The following PER3 variants were observed in gnomAD, a reference collection of about 807,000 sequenced individuals.
The protein encoded by PER3 is period circadian protein homolog 3.
A neutral mutation model predicts 127.2 loss-of-function variants in PER3; 107 were observed. The observed-to-expected ratio is 0.84, with a 90% CI of 0.72 to 0.99. PER3 has a LOEUF of 0.99. Ranked by LOEUF, PER3 falls within the 50% of genes least tolerant of loss-of-function variation. The probability of loss-of-function intolerance (pLI) is 0.00; values close to 1 mark genes in which losing one functional copy is unlikely to be tolerated. For missense variants in PER3, 1,560 were observed against 1,525.8 expected (o/e 1.02, Z -0.37); for synonymous variants, 618 against 585.8 (o/e 1.05, Z -0.79).
At chr1:7,789,280 GA>G (rs1366222242) in intron 5 of PER3, among the ~76,000 whole-genome samples, 1 of 152,026 alleles carries the variant, frequency 6.6e-6, no homozygotes, top group Non-Finnish European at 1.5e-5. Flanking sequence ...ATCTCATGTT[GA>G]ATTGTAACTC....
In PER3 at chr1:7,788,255, A is replaced by T; in HGVS notation, c.592+9A>T. 7 of 1,586,496 alleles carry T rather than the reference A, an allele frequency of 4.4e-6. No individual in the cohort carries two copies. Among genetic ancestry groups the T allele is most frequent in the Non-Finnish European group, 5.2e-6 (6 of 1,154,776 alleles). On this transcript the variant is annotated intron_variant, in intron 5 of 21. Coordinates refer to ENST00000377532, the MANE Select transcript of PER3 (RefSeq NM_001377275.1). ...CAACTGGACCCAAAGAGGTAACAGG[A>T]CCAATGTTCAGATGTCTATCTTTCC...
intron 5 of PER3, among the ~76,000 whole-genome samples, chr1:7,788,924 A>AAAT (rs1553301134): frequency 1.4e-5 from 2 of 147,530 alleles, no homozygotes. Context: ...AAAAAAAAAA[A>AAAT]TTCAGATCAT....
rs777835831 is a variant in PER3 at position 7,785,519 on chromosome 1, G to C, written c.207G>C (p.Glu69Asp). Residue 69 changes from glutamate (E) to aspartate (D), a missense_variant, in exon 3 of 22, where the codon GAG (glutamate) becomes GAC (aspartate). By Grantham distance (45) the Glu-to-Asp change is conservative. Transcript: ENST00000377532. ...VQEMKKYFPS[E>D]RRNKPSTLDA... is the part of the protein sequence containing the mutation. ...AAATGAAAAAATACTTCCCCTCGGA[G>C]AGACGCAATAAACCAAGCACTCTAG... The C allele has an allele frequency of 6.2e-7, 1 of 1,612,266 alleles. No homozygotes were observed. The highest frequency in any genetic ancestry group is 1.3e-5 in the African/African-American group (1 of 74,878).
At chr1:7,801,021 T>A in intron 7 of PER3, 92 bp from the exon 8 acceptor site, 1 of 782,402 alleles carries the variant, frequency 1.3e-6, no homozygotes, top group Admixed American at 2.3e-5. Context: ...TCATATAGAT[T>A]TTGTTCTCTT....
Position 7,803,086 on chromosome 1 carries a change from T to C in PER3, c.912T>C (p.Ile304=). 1.9e-6 allele frequency: 3 copies of C among 1,613,792 alleles called. No individual in the cohort carries two copies. Among genetic ancestry groups the C allele is most frequent in the Non-Finnish European group, 1.7e-6 (2 of 1,179,672 alleles). Residue 304 remains isoleucine, a synonymous_variant, in exon 9 of 22, where the codon ATT becomes ATC. Transcript: ENST00000377532. ...PLLGYLPQDL[I]GTSILSYLHP... is the part of the protein sequence containing the mutation. ...TGGGTTACCTACCTCAGGACCTGAT[T>C]GGAACATCGATCCTAAGCTACCTGC...
chr1:7,803,307 G>A (rs986392568), intron 9 of PER3, among the ~76,000 whole-genome samples, 154 bp downstream of exon 9: 1 of 151,848 alleles, frequency 6.6e-6, no homozygotes, highest in Non-Finnish European at 1.5e-5. Flanking sequence ...TACTAAAACA[G>A]GCCAGGCACA....
chr1:7,792,724 T>C (rs2097127662), intron 5 of PER3, among the ~76,000 whole-genome samples: 1 of 152,226 alleles, frequency 6.6e-6, no homozygotes, highest in African/African-American at 2.4e-5. Flanking sequence ...TATTAGAATA[T>C]GTTTCTATTT....
chr1:7,825,886 C>A, intron 16 of PER3, among the ~76,000 whole-genome samples: 1 of 103,138 alleles, frequency 9.7e-6, no homozygotes, highest in Non-Finnish European at 2.2e-5. Flanking sequence ...AGCGAAACTC[C>A]ATCTCAAAAA....
chr1:7,823,426 T>G (rs1388626964), intron 16 of PER3, among the ~76,000 whole-genome samples: 2 of 152,192 alleles, frequency 1.3e-5, no homozygotes, highest in African/African-American at 2.4e-5. Flanking sequence ...GCGGATCACC[T>G]GAGGTCAGGA....
intron 13 of PER3, among the ~76,000 whole-genome samples, chr1:7,815,443 C>A (rs2097243509): frequency 6.6e-6 from 1 of 152,128 alleles, no homozygotes; most frequent in Admixed American, 6.5e-5. Flanking sequence ...AAGTAAACTT[C>A]AGAACAAGGA....
Position 7,785,484 on chromosome 1 carries a change from G to A in PER3, c.172G>A (p.Val58Ile). 1 of 1,612,592 alleles carries A rather than the reference G, an allele frequency of 6.2e-7. No individual in the cohort carries two copies. The highest frequency in any genetic ancestry group is 8.5e-7 in the Non-Finnish European group (1 of 1,178,602). Residue 58 changes from valine (V) to isoleucine (I), a missense_variant, in exon 3 of 22, where the codon GTT (valine) becomes ATT (isoleucine). By Grantham distance (29) the Val-to-Ile change is conservative. Coordinates refer to ENST00000377532, the MANE Select transcript of PER3 (RefSeq NM_001377275.1). ...RNRVSEELIM[V>I]VQEMKKYFPS... ...CAGAGTTTCTGAAGAACTTATCATG[G>A]TTGTCCAAGAAATGAAAAAATACTT...
At chr1:7,806,374 T>C (rs1313233383) in intron 10 of PER3, among the ~76,000 whole-genome samples, 2 of 152,192 alleles carry the variant, frequency 1.3e-5, no homozygotes, top group Non-Finnish European at 2.9e-5. Flanking sequence ...GTTTTCTCTC[T>C]TACTCCTACT....
chr1:7,827,284 T>C lies in PER3; in HGVS notation c.2355T>C (p.Ser785=). Reference sequence around the variant, plus strand: ...CCTGCTGCCCCTCCGCGGCCTCCTCTCCGCACACCTCGAGCCCGACCTTCC... The same window carrying C: ...CCTGCTGCCCCTCCGCGGCCTCCTCCCCGCACACCTCGAGCCCGACCTTCC... ...AQPCCPSAAS[S]PHTSSPTFPP... Residue 785 remains serine, a synonymous_variant, in exon 18 of 22, where the codon TCT becomes TCC. Coordinates refer to ENST00000377532, the MANE Select transcript of PER3 (RefSeq NM_001377275.1). 1 of 1,613,736 alleles carries C rather than the reference T, an allele frequency of 6.2e-7. No homozygotes were observed. Among genetic ancestry groups the C allele is most frequent in the Non-Finnish European group, 8.5e-7 (1 of 1,179,864 alleles).
At position 7,827,757 on chromosome 1, in the gene PER3, C is replaced by T. The variant is rs769162206; in HGVS notation, c.2828C>T (p.Pro943Leu). The T allele has an allele frequency of 3.1e-6, 5 of 1,613,982 alleles. No individual in the cohort carries two copies. Among genetic ancestry groups the T allele is most frequent in the Non-Finnish European group, 3.4e-6 (4 of 1,180,024 alleles). ...TTAAACTTACTTCAGGAAGAGATGC[C>T]CAGACCCTCTGAATCTCCAGATCAG... ...LQLNLLQEEM[P>L]RPSESPDQMR... Residue 943 changes from proline (P) to leucine (L), a missense_variant, in exon 18 of 22, where the codon CCC becomes CTC. Pro to Leu is a moderately conservative substitution (Grantham distance 98, BLOSUM62 -3). Around this residue, in one of 3 missense-constraint regions of PER3, gnomAD observed 1,332 missense variants for 1,223.6 expected, o/e 1.09. Coordinates refer to ENST00000377532, the MANE Select transcript of PER3 (RefSeq NM_001377275.1).
At chr1:7,803,480 C>T (rs903795712) in intron 9 of PER3, among the ~76,000 whole-genome samples, 7 of 151,542 alleles carry the variant, frequency 4.6e-5, no homozygotes, top group African/African-American at 1.2e-4. Flanking sequence ...CTCAGCTACT[C>T]AGGAGGCTGA....
In PER3 at chr1:7,827,381, C is replaced by T; in HGVS notation, c.2452C>T (p.Pro818Ser). 2.5e-6 allele frequency: 4 copies of T among 1,614,168 alleles called. No homozygotes were observed. The highest frequency in any genetic ancestry group is 3.4e-6 in the Non-Finnish European group (4 of 1,180,048). ...PAFPLPAATS[P>S]GREYAAPGTA... ...TTTTCCCCTCCCAGCCGCGACCTCA[C>T]CCGGAAGAGAATACGCAGCCCCCGG... Residue 818 changes from proline to serine, a missense_variant, in exon 18 of 22, where the codon CCC becomes TCC. Coordinates refer to ENST00000377532, the MANE Select transcript of PER3 (RefSeq NM_001377275.1).
chr1:7,827,485 G>T lies in PER3; in HGVS notation c.2556G>T (p.Leu852Phe). Residue 852 changes from leucine (L) to phenylalanine (F), a missense_variant, in exon 18 of 22, where the codon TTG becomes TTT. Leu to Phe is a conservative substitution (Grantham distance 22, BLOSUM62 0). Transcript: ENST00000377532. ...ACCCAGCTTTCCCTTTTCCTTACTT[G>T]GATACTTTTATGACCGTTTTCCTGC... is the stretch of plus-strand genomic sequence containing the variant. The part of the protein sequence containing the change: ...QPYPAFPFPY[L>F]DTFMTVFLPD... 2.5e-6 allele frequency: 4 copies of T among 1,614,164 alleles called. No homozygotes were observed. The highest frequency in any genetic ancestry group is 3.4e-6 in the Non-Finnish European group (4 of 1,180,030).
At chr1:7,805,231 C>CGA (rs2097187831) in intron 10 of PER3, among the ~76,000 whole-genome samples, 1 of 152,120 alleles carries the variant, frequency 6.6e-6, no homozygotes, top group Admixed American at 6.5e-5. Context: ...CCTCTGATGT[C>CGA]TATCTTTTTT....
At chr1:7,829,640 A>T (rs1019993298) in intron 18 of PER3, among the ~76,000 whole-genome samples, 194 bp from the exon 19 acceptor site, 1 of 152,256 alleles carries the variant, frequency 6.6e-6, no homozygotes, top group Non-Finnish European at 1.5e-5. Flanking sequence ...TCAAAATTTT[A>T]TGACACTACC....
Sources: gnomAD v4.1 joint callset for allele counts (sites outside exome capture counted in the v4.1 genomes callset) on GRCh38, gnomAD v4.1.1 for gene constraint, gnomAD v4.1.1 regional missense constraint, MANE v1.5 for transcripts, NCBI Gene and HGNC (gene_info 2026-07-23, HGNC 2026-07-21) for gene names.